STK3: variants seen among roughly 807,000 people sequenced by gnomAD.
The protein encoded by STK3 is serine/threonine kinase 3.
Under a neutral mutation model 58.0 loss-of-function variants are expected in STK3, and 41 were observed. The ratio of observed to expected loss-of-function variants is 0.71; its 90% CI spans 0.55 to 0.92. The LOEUF (loss-of-function observed/expected upper bound fraction) is 0.92, where lower values mean the gene tolerates loss of function less well. Among genes scored for constraint, STK3 ranks in the 40% least tolerant of loss-of-function variants. STK3 has a pLI of 0.00. For synonymous variants in STK3, 170 were observed against 191.0 expected (o/e 0.89, Z 0.91); for missense variants, 479 against 602.7 (o/e 0.79, Z 2.15).
In STK3 at chr8:98,769,116, T is replaced by C. The variant is rs1238675954; in HGVS notation, c.108-1745A>G. Among the ~76,000 whole-genome samples the C allele has an allele frequency of 2.6e-5, 4 of 152,244 alleles. No homozygotes were observed. The East Asian group carries it at 5.8e-4, about 22-fold the overall frequency. On this transcript the variant is annotated intron_variant, in intron 2 of 10. Transcript: ENST00000419617. ...TTCATTACTAAATTCTTCATATCTA[T>C]AGAGTACATACAGTAGCTTATCTTT...
chr8:98,829,098 T>G (rs1835433294), upstream of STK3, among the ~76,000 whole-genome samples: 1 of 152,172 alleles, frequency 6.6e-6, no homozygotes, highest in Non-Finnish European at 1.5e-5. Flanking sequence ...CAAGAGATCA[T>G]CTGAGGGAGA....
At chr8:98,586,308 G>A (rs1190244659) in intron 7 of STK3, among the ~76,000 whole-genome samples, 1 of 152,072 alleles carries the variant, frequency 6.6e-6, no homozygotes, top group African/African-American at 2.4e-5. Flanking sequence ...TAGCATGAAG[G>A]GTGGTTGAAT....
chr8:98,868,898 G>C (rs1016754261), intron 3 of STK3, among the ~76,000 whole-genome samples: 1 of 151,940 alleles, frequency 6.6e-6, no homozygotes, highest in African/African-American at 2.4e-5. Context: ...GATAGCTTGA[G>C]CCTGGGAGGT....
rs549520452 is a variant in STK3 at position 98,565,048 on chromosome 8, G to A, written c.948+14616C>T. Among the ~76,000 whole-genome samples the A allele has an allele frequency of 7.2e-4, 109 of 152,130 alleles. 1 individual carries two copies. The highest frequency in any genetic ancestry group is 2.6e-3 in the African/African-American group (108 of 41,518). ...ACCTAAAACTATTCAAAAATAAAAAGTTAACTTAAAAAATTGAGAAAATCC... is the reference window on the plus strand; with the variant it reads ...ACCTAAAACTATTCAAAAATAAAAAATTAACTTAAAAAATTGAGAAAATCC... On this transcript the variant is annotated intron_variant, in intron 8 of 10. Transcript: ENST00000419617.
intron 6 of STK3, among the ~76,000 whole-genome samples, chr8:98,636,599 A>T (rs1223642631): frequency 6.6e-6 from 1 of 152,150 alleles, no homozygotes; most frequent in East Asian, 1.9e-4. Flanking sequence ...GCACTCCAAG[A>T]TTATAATAGG....
At chr8:98,835,589 C>T (rs1244550195) in intron 3 of STK3, among the ~76,000 whole-genome samples, 1 of 152,200 alleles carries the variant, frequency 6.6e-6, no homozygotes, top group Non-Finnish European at 1.5e-5. Flanking sequence ...CCCACTCCTC[C>T]CTCAGGCAAT....
chr8:98,578,334 T>C (rs966533940), intron 8 of STK3, among the ~76,000 whole-genome samples: 2 of 152,220 alleles, frequency 1.3e-5, no homozygotes, highest in African/African-American at 2.4e-5. Flanking sequence ...TTGAAGACAC[T>C]ATTTAAAATT....
At chr8:98,905,358 A>G in intron 1 of STK3, 1 of 1,026,694 alleles carries the variant, frequency 9.7e-7, no homozygotes, top group Middle Eastern at 2.0e-4. Flanking sequence ...GTCACATTCA[A>G]TGACTGGACC....
chr8:98,354,974 A>T, the STK3 span, among the ~76,000 whole-genome samples: 1 of 152,060 alleles, frequency 6.6e-6, no homozygotes, highest in Non-Finnish European at 1.5e-5. Flanking sequence ...ATGGGGTTTC[A>T]CCATGTTGGT....
intron 10 of STK3, among the ~76,000 whole-genome samples, chr8:98,516,816 G>A (rs1008249918): frequency 6.6e-6 from 1 of 151,962 alleles, no homozygotes; most frequent in African/African-American, 2.4e-5. Flanking sequence ...CACTGGACTA[G>A]TTAGTACAAG....
At chr8:98,512,445 G>T (rs1824592639) in intron 10 of STK3, among the ~76,000 whole-genome samples, 1 of 152,062 alleles carries the variant, frequency 6.6e-6, no homozygotes, top group Non-Finnish European at 1.5e-5. Flanking sequence ...TATAATTTTT[G>T]AAGAAGTCTC....
At chr8:98,447,503 C>A (rs1167654455) in intron 1 of STK3, among the ~76,000 whole-genome samples, 1 of 150,228 alleles carries the variant, frequency 6.7e-6, no homozygotes, top group Non-Finnish European at 1.5e-5. Context: ...AAGAATACCA[C>A]AGACAAATAT....
At chr8:98,500,806 TC>T (rs1216218385) in intron 10 of STK3, among the ~76,000 whole-genome samples, 2 of 152,228 alleles carry the variant, frequency 1.3e-5, no homozygotes, top group Non-Finnish European at 2.9e-5. Context: ...ATCCAGTCTA[TC>T]AGTGATGGAC....
chr8:98,876,031 A>G (rs1166412009), intron 3 of STK3, among the ~76,000 whole-genome samples: 1 of 152,190 alleles, frequency 6.6e-6, no homozygotes, highest in Non-Finnish European at 1.5e-5. Context: ...AAGCAGAGTC[A>G]TAGGAAACTT....
chr8:98,702,089 A>G (rs892917820), intron 6 of STK3, among the ~76,000 whole-genome samples: 1 of 152,196 alleles, frequency 6.6e-6, no homozygotes, highest in East Asian at 1.9e-4. Flanking sequence ...TACATATACT[A>G]CAAGTTTCTT....
intron 10 of STK3, among the ~76,000 whole-genome samples, chr8:98,492,734 T>C (rs898177311): frequency 6.6e-6 from 1 of 152,058 alleles, no homozygotes; most frequent in African/African-American, 2.4e-5. Context: ...TTATCAGGTG[T>C]CACCCACACC....
At position 98,903,556 on chromosome 8, in the gene STK3, C is replaced by CTTCTTCTTCCT. The variant is rs200556218; in HGVS notation, c.-78-19723_-78-19722insAGGAAGAAGAA. The stretch of plus-strand genomic sequence containing the variant: ...TCTTCTTCTTCTTCTTCTTCTTCTT[C>CTTCTTCTTCCT]CTTTTTTTTTTTTTAAGTGGGGCCT... On this transcript the variant is annotated intron_variant, in intron 1 of 1. Transcript: ENST00000519420. Among the ~76,000 whole-genome samples the CTTCTTCTTCCT allele has an allele frequency of 5.1e-4, 26 of 50,512 alleles. 1 individual carries two copies. Among genetic ancestry groups the CTTCTTCTTCCT allele is most frequent in the African/African-American group, 8.9e-4 (13 of 14,658 alleles). The allele number at this position is 50,512 out of a possible 152,430, so 33.1% of individuals were successfully genotyped here.
Position 98,916,720 on chromosome 8 carries a change from G to A in STK3, c.-79+25658C>T, listed in dbSNP as rs189019429. On this transcript the variant is annotated intron_variant, in intron 1 of 1. Coordinates refer to the STK3 transcript ENST00000519420. Reference sequence around the variant, plus strand: ...CTGAGATCACTGTTCTAGGCTCTGGGGATATAGCATTAAATCATCAGACTA... The same window carrying A: ...CTGAGATCACTGTTCTAGGCTCTGGAGATATAGCATTAAATCATCAGACTA... Among the ~76,000 whole-genome samples the A allele has an allele frequency of 2.1e-3, 324 of 152,260 alleles. 2 individuals carry two copies. Among genetic ancestry groups the A allele is most frequent in the Middle Eastern group, 3.4e-3 (1 of 294 alleles).
At chr8:98,723,705 C>T (rs918911466) in intron 4 of STK3, among the ~76,000 whole-genome samples, 2 of 152,038 alleles carry the variant, frequency 1.3e-5, no homozygotes, top group African/African-American at 4.8e-5. Context: ...AGTAAGGATA[C>T]AAAAAATTAG....
Sources: gnomAD v4.1 joint callset for allele counts (sites outside exome capture counted in the v4.1 genomes callset) on GRCh38, gnomAD v4.1.1 for gene constraint, MANE v1.5 for transcripts, NCBI Gene and HGNC (gene_info 2026-07-23, HGNC 2026-07-21) for gene names.